Variants in SEPTIN9 observed in about 807,000 individuals in gnomAD.
The protein encoded by SEPTIN9 is septin 9.
Under a neutral mutation model 56.6 loss-of-function variants are expected in SEPTIN9, and 13 were observed. The observed-to-expected ratio is 0.23, with a 90% CI of 0.15 to 0.37. The LOEUF (loss-of-function observed/expected upper bound fraction) is 0.37, where lower values mean the gene tolerates loss of function less well. Ranked by LOEUF, SEPTIN9 falls within the 10% of genes least tolerant of loss-of-function variation. SEPTIN9 has a pLI of 1.00. For missense variants in SEPTIN9, 650 were observed against 823.1 expected (o/e 0.79, Z 2.57); for synonymous variants, 332 against 334.1 (o/e 0.99, Z 0.07).
At chr17:77,386,057 G>A (rs546165361) in intron 2 of SEPTIN9, among the ~76,000 whole-genome samples, 2 of 152,304 alleles carry the variant, frequency 1.3e-5, no homozygotes, top group South Asian at 2.1e-4. Context: ...TGCCTGGCCC[G>A]GGGTGGGGTG....
At position 77,405,151 on chromosome 17, in the gene SEPTIN9, G is replaced by A; in HGVS notation, c.721+2448G>A. On this transcript the variant is annotated intron_variant, in intron 3 of 11. Coordinates refer to ENST00000427177, the MANE Select transcript of SEPTIN9 (RefSeq NM_001113491.2). This position sits in a 1 kb window ranked among gnomAD's most constrained non-coding sequence, Gnocchi z 5.8. ...GGCTCTGGGGGACAGGTAGGGGGATGTCCATGGGGATGTACAAGAACATTC... is the reference window on the plus strand; with the variant it reads ...GGCTCTGGGGGACAGGTAGGGGGATATCCATGGGGATGTACAAGAACATTC... The A allele has an allele frequency of 6.5e-7, 1 of 1,532,156 alleles. No individual in the cohort carries two copies. The highest frequency in any genetic ancestry group is 8.7e-7 in the Non-Finnish European group (1 of 1,143,792). 94.9% of individuals were successfully genotyped at this position (1,532,156 alleles called of 1,614,324 possible). A position where few individuals can be genotyped will look rare whatever the true frequency, so the allele number is the denominator to read the frequency against.
intron 3 of SEPTIN9, among the ~76,000 whole-genome samples, chr17:77,480,346 C>A (rs2039405347): frequency 6.6e-6 from 1 of 152,212 alleles, no homozygotes; most frequent in African/African-American, 2.4e-5. Context: ...GCCTGGGGAG[C>A]CTCCCTCCGA....
intron 3 of SEPTIN9, among the ~76,000 whole-genome samples, chr17:77,413,653 C>G (rs1214450748): frequency 4.0e-5 from 6 of 150,956 alleles, no homozygotes; most frequent in Admixed American, 4.0e-4. Flanking sequence ...AGAGAGCCCC[C>G]CTCCCCAAGG....
At chr17:77,302,300 TAAAC>T (rs1157709888) in intron 1 of SEPTIN9, among the ~76,000 whole-genome samples, 2 of 151,792 alleles carry the variant, frequency 1.3e-5, no homozygotes, top group Admixed American at 6.6e-5. Flanking sequence ...CCTCTGAAAA[TAAAC>T]AAACCAATAA....
chr17:77,346,561 C>A (rs1477855971), intron 2 of SEPTIN9, among the ~76,000 whole-genome samples: 1 of 151,802 alleles, frequency 6.6e-6, no homozygotes, highest in African/African-American at 2.4e-5. Flanking sequence ...ATTTTGCATG[C>A]TTTTAAAATT....
Position 77,433,901 on chromosome 17 carries a change from G to C in SEPTIN9, c.721+31198G>C, listed in dbSNP as rs187008822. Among the ~76,000 whole-genome samples, 2 of 152,118 alleles carry C rather than the reference G, an allele frequency of 1.3e-5. No homozygotes were observed. Among genetic ancestry groups the C allele is most frequent in the Admixed American group, 6.5e-5 (1 of 15,288 alleles). ...TGGTCCTAATTAGGACCTTCCGCCC[G>C]TTGGTGGATGGGCAGAGAGGGGAGC... On this transcript the variant is annotated intron_variant, in intron 3 of 11. Coordinates refer to ENST00000427177, the MANE Select transcript of SEPTIN9 (RefSeq NM_001113491.2). The surrounding 1 kb of genome is among the most constrained non-coding windows in gnomAD (Gnocchi z 6.4).
At chr17:77,464,593 A>T (rs2038624886) in intron 3 of SEPTIN9, among the ~76,000 whole-genome samples, 1 of 151,220 alleles carries the variant, frequency 6.6e-6, no homozygotes, top group East Asian at 2.0e-4. Context: ...AGTCCAGTTG[A>T]CACAGAAATT....
intron 3 of SEPTIN9, among the ~76,000 whole-genome samples, chr17:77,418,001 G>A (rs911432934): frequency 1.3e-5 from 2 of 152,214 alleles, no homozygotes; most frequent in Non-Finnish European, 2.9e-5. Flanking sequence ...CCAGACACTG[G>A]GAGTGGGGGG....
intron 3 of SEPTIN9, among the ~76,000 whole-genome samples, chr17:77,477,081 C>T (rs1221424411): frequency 1.3e-5 from 2 of 151,426 alleles, no homozygotes; most frequent in African/African-American, 4.9e-5. Context: ...GTCCCTCCCT[C>T]CTCCCCTCCC....
At chr17:77,391,368 GGAGATTCCT>G (rs1243945716) in intron 2 of SEPTIN9, among the ~76,000 whole-genome samples, 1 of 152,144 alleles carries the variant, frequency 6.6e-6, no homozygotes, top group Non-Finnish European at 1.5e-5. Flanking sequence ...GGCGGCTCCT[GGAGATTCCT>G]GGCGTTCCTT....
intron 2 of SEPTIN9, among the ~76,000 whole-genome samples, chr17:77,336,785 G>A (rs1226492589): frequency 1.3e-5 from 2 of 151,864 alleles, no homozygotes; most frequent in African/African-American, 4.8e-5. Context: ...GGACATCCTT[G>A]CCTGTGCCAA....
chr17:77,466,115 CTG>C (rs1048494521), intron 3 of SEPTIN9, among the ~76,000 whole-genome samples: 2 of 150,708 alleles, frequency 1.3e-5, no homozygotes, highest in African/African-American at 2.5e-5. Context: ...CACGAGTAAA[CTG>C]TAACACAAAT....
At chr17:77,489,536 G>A (rs1214297637) in intron 7 of SEPTIN9, among the ~76,000 whole-genome samples, 1 of 152,206 alleles carries the variant, frequency 6.6e-6, no homozygotes. Flanking sequence ...GAGGACCAGA[G>A]GCCAGCAGGA....
At chr17:77,480,115 G>A (rs1237016476) in intron 3 of SEPTIN9, among the ~76,000 whole-genome samples, 1 of 152,196 alleles carries the variant, frequency 6.6e-6, no homozygotes, top group Non-Finnish European at 1.5e-5. Flanking sequence ...CTGGCCTCCA[G>A]GTCCGCCTGT....
At chr17:77,448,194 T>C (rs572692504) in intron 3 of SEPTIN9, among the ~76,000 whole-genome samples, 1 of 152,218 alleles carries the variant, frequency 6.6e-6, no homozygotes, top group East Asian at 1.9e-4. Context: ...TATCCGAGGA[T>C]GGGCGTGGTG....
chr17:77,455,651 C>T (rs932069111), intron 3 of SEPTIN9, among the ~76,000 whole-genome samples: 9 of 152,188 alleles, frequency 5.9e-5, no homozygotes, highest in African/African-American at 1.7e-4. Flanking sequence ...AAGGGGGCCC[C>T]CAGCGGGCGG....
chr17:77,469,727 T>C (rs1323650548), intron 3 of SEPTIN9: 2 of 152,056 alleles, frequency 1.3e-5, no homozygotes, highest in Admixed American at 1.3e-4. Context: ...TTTCTGAGAC[T>C]CCTTGAATAG....
At chr17:77,412,825 C>T (rs2036351232) in intron 3 of SEPTIN9, among the ~76,000 whole-genome samples, 1 of 152,114 alleles carries the variant, frequency 6.6e-6, no homozygotes, top group African/African-American at 2.4e-5. Context: ...TGTTCTTCTA[C>T]ACAGAACATT....
intron 3 of SEPTIN9, among the ~76,000 whole-genome samples, chr17:77,480,715 G>A (rs1000067034): frequency 2.0e-5 from 3 of 152,208 alleles, no homozygotes; most frequent in African/African-American, 7.2e-5. Flanking sequence ...CGGTCCCAGG[G>A]AAAAGCCACT....
Sources: gnomAD v4.1 joint callset for allele counts (sites outside exome capture counted in the v4.1 genomes callset) on GRCh38, gnomAD v4.1.1 for gene constraint, Gnocchi (gnomAD v3.1) non-coding constraint, MANE v1.5 for transcripts, NCBI Gene and HGNC (gene_info 2026-07-23, HGNC 2026-07-21) for gene names.